Variants in STRN observed in about 807,000 individuals in gnomAD.
STRN encodes the protein striatin.
A neutral mutation model predicts 96.3 loss-of-function variants in STRN; 53 were observed. The observed-to-expected ratio is 0.55, with a 90% CI of 0.44 to 0.69. The LOEUF (loss-of-function observed/expected upper bound fraction) is 0.69. STRN is among the 30% of genes least tolerant of loss of function. The probability of loss-of-function intolerance (pLI) is 0.00; values close to 1 mark genes in which losing one functional copy is unlikely to be tolerated. For missense variants in STRN, 987 were observed against 963.9 expected (o/e 1.02, Z -0.32); for synonymous variants, 428 against 355.9 (o/e 1.20, Z -2.28).
intron 1 of STRN, among the ~76,000 whole-genome samples, chr2:36,940,909 T>G (rs1230342736): frequency 6.6e-6 from 1 of 151,738 alleles, no homozygotes; most frequent in East Asian, 1.9e-4. Flanking sequence ...TCCCAGCACT[T>G]TGGGAGGCCA....
At chr2:36,864,794 C>T (rs1668580505) in intron 12 of STRN, among the ~76,000 whole-genome samples, 1 of 152,196 alleles carries the variant, frequency 6.6e-6, no homozygotes, top group African/African-American at 2.4e-5. Context: ...CTTACTGCAA[C>T]CTCTGCCTCC....
chr2:36,869,027 A>C (rs1265645589), intron 11 of STRN, among the ~76,000 whole-genome samples: 2 of 152,210 alleles, frequency 1.3e-5, no homozygotes, highest in African/African-American at 4.8e-5. Flanking sequence ...CAAGGTGAGC[A>C]CTAGCAGTCA....
intron 2 of STRN, 60 bp downstream of exon 2, chr2:36,925,045 A>C: frequency 1.3e-6 from 2 of 1,516,456 alleles, no homozygotes; most frequent in Non-Finnish European, 1.8e-6. Flanking sequence ...AACAAGAACG[A>C]AACTCCGTCT....
rs1670087323 is a variant in STRN, at chr2:36,915,985, A to G, written c.412+93T>C. 11 of 1,138,636 alleles carry G rather than the reference A, an allele frequency of 9.7e-6. No individual in the cohort carries two copies. The South Asian group carries it at 1.3e-4, about 14-fold the overall frequency. 70.5% of individuals were successfully genotyped at this position (1,138,636 alleles called of 1,614,324 possible). On this transcript the variant is annotated intron_variant, in intron 3 of 17. Transcript: ENST00000263918. ...CAGAAAAAATAACTAATACACAAAT[A>G]ATTAGAAAGTAACTTACAGTTGTAA...
chr2:36,884,752 G>A (rs1215473654), intron 8 of STRN, among the ~76,000 whole-genome samples: 1 of 151,886 alleles, frequency 6.6e-6, no homozygotes, highest in East Asian at 1.9e-4. Flanking sequence ...TGGAGTACAG[G>A]ATTTGACTGG....
At chr2:36,959,690 T>A (rs1254073948) in intron 1 of STRN, among the ~76,000 whole-genome samples, 2 of 152,106 alleles carry the variant, frequency 1.3e-5, no homozygotes, top group Non-Finnish European at 2.9e-5. Flanking sequence ...AGAAATTATA[T>A]CCCAAATTCT....
intron 1 of STRN, among the ~76,000 whole-genome samples, chr2:36,960,400 C>T (rs1182895219): frequency 6.6e-6 from 1 of 152,174 alleles, no homozygotes; most frequent in Non-Finnish European, 1.5e-5. Context: ...GAATATTACA[C>T]TGCATGGCCT....
intron 4 of STRN, among the ~76,000 whole-genome samples, chr2:36,903,985 AAC>A (rs1254785684): frequency 6.6e-6 from 1 of 152,216 alleles, no homozygotes; most frequent in East Asian, 1.9e-4. Flanking sequence ...GGTTTTACTC[AAC>A]AGTTACTTCC....
At chr2:36,947,912 C>T (rs1295948605) in intron 1 of STRN, among the ~76,000 whole-genome samples, 2 of 151,684 alleles carry the variant, frequency 1.3e-5, no homozygotes, top group Non-Finnish European at 2.9e-5. Flanking sequence ...GTCTCATTTT[C>T]ATGGGACACT....
At chr2:36,929,602 C>T (rs1207374893) in intron 1 of STRN, among the ~76,000 whole-genome samples, 1 of 152,154 alleles carries the variant, frequency 6.6e-6, no homozygotes, top group Non-Finnish European at 1.5e-5. Context: ...TCAGGCTGTT[C>T]TCAAACTCCT....
At chr2:36,900,683 G>A (rs1161723933) in intron 5 of STRN, among the ~76,000 whole-genome samples, 1 of 152,104 alleles carries the variant, frequency 6.6e-6, no homozygotes, top group African/African-American at 2.4e-5. Context: ...GAGGTCAAGA[G>A]ATTGAGACCA....
intron 2 of STRN, among the ~76,000 whole-genome samples, chr2:36,924,590 T>C (rs1346653053): frequency 6.6e-6 from 1 of 152,156 alleles, no homozygotes; most frequent in African/African-American, 2.4e-5. Context: ...TGTTGCTAAT[T>C]TTTAAGAAAT....
At chr2:36,892,678 A>T in intron 7 of STRN, among the ~76,000 whole-genome samples, 1 of 152,226 alleles carries the variant, frequency 6.6e-6, no homozygotes, top group Non-Finnish European at 1.5e-5. Context: ...AAACCAACAG[A>T]TCCCTATCCT....
At position 36,966,407 on chromosome 2, in the gene STRN, G is replaced by A; in HGVS notation, c.57C>T (p.Gly19=). The part of the protein sequence containing the change: ...VFFSNNHPGA[G]GAKGLGPLAE... ...CCAGAGGCCCGAGCCCCTTGGCACC[G>A]CCGGCGCCCGGGTGGTTGTTGCTGA... The change falls in exon 1 of 18, where the codon GGC becomes GGT. Residue 19 remains glycine (G), a synonymous_variant. Transcript: ENST00000263918. 1 of 1,457,442 alleles carries A rather than the reference G, an allele frequency of 6.9e-7. No homozygotes were observed. Among genetic ancestry groups the A allele is most frequent in the Non-Finnish European group, 9.0e-7 (1 of 1,105,934 alleles). 90.3% of individuals were successfully genotyped at this position (1,457,442 alleles called of 1,614,324 possible). A position where few individuals can be genotyped will look rare whatever the true frequency, so the allele number is the denominator to read the frequency against.
intron 1 of STRN, among the ~76,000 whole-genome samples, chr2:36,963,190 G>A (rs1021275364): frequency 6.6e-6 from 1 of 152,180 alleles, no homozygotes; most frequent in African/African-American, 2.4e-5. Context: ...AAGATCTGAA[G>A]GAGGGAGGAA....
At position 36,844,201 on chromosome 2, in the gene STRN, C is replaced by T. The variant is rs1171028086; in HGVS notation, c.*5255G>A. The T allele has an allele frequency of 6.6e-6, 1 of 151,932 alleles. No homozygotes were observed. 9.4% of individuals were successfully genotyped at this position (151,932 alleles called of 1,614,324 possible). On this transcript the variant is annotated 3_prime_UTR_variant, in exon 18 of 18. Transcript: ENST00000263918. ...GGTAGGGGATACCTATTAATCTGGG[C>T]TGGAAAAAAAGTGTGTGGAGAAGGG...
At chr2:36,906,930 C>CA (rs757668750) in intron 3 of STRN, among the ~76,000 whole-genome samples, 6,833 of 127,226 alleles carry the variant, frequency 0.054, 799 homozygotes, top group East Asian at 0.49. Flanking sequence ...TCTCAAAAAA[C>CA]AAAAAAAACA....
intron 9 of STRN, among the ~76,000 whole-genome samples, chr2:36,878,348 A>T (rs191212320): frequency 6.6e-6 from 1 of 152,364 alleles, no homozygotes; most frequent in African/African-American, 2.4e-5. Flanking sequence ...ATTTCATGTT[A>T]ATTACCTAAA....
chr2:36,925,273 A>G (rs1558655608), intron 1 of STRN, 65 bp from the exon 2 acceptor site: 1 of 1,102,644 alleles, frequency 9.1e-7, no homozygotes, highest in Non-Finnish European at 1.4e-6. Context: ...TTAACTCAGT[A>G]AAGAACCATT....
Sources: allele counts gnomAD v4.1 joint callset (sites outside exome capture counted in the v4.1 genomes callset), GRCh38; gene constraint gnomAD v4.1.1; transcripts MANE v1.5; gene names NCBI Gene and HGNC (gene_info 2026-07-23, HGNC 2026-07-21).